Variants in PCDH15 observed in about 807,000 individuals in gnomAD.
The protein encoded by PCDH15 is protocadherin-15.
In PCDH15, 129 loss-of-function variants were observed where a neutral mutation model predicts 178.5. The observed-to-expected ratio is 0.72, with a 90% CI of 0.63 to 0.84. The LOEUF is 0.84. Among genes scored for constraint, PCDH15 ranks in the 40% least tolerant of loss-of-function variants. The pLI, the probability that PCDH15 is intolerant of heterozygous loss-of-function variation, is 0.00. For missense variants in PCDH15, 2,230 were observed against 2,099.9 expected (o/e 1.06, Z -1.21); for synonymous variants, 800 against 732.0 (o/e 1.09, Z -1.50).
chr10:55,446,561 C>G (rs1211228538), intron 2 of PCDH15, among the ~76,000 whole-genome samples: 2 of 152,000 alleles, frequency 1.3e-5, no homozygotes, highest in Non-Finnish European at 2.9e-5. Flanking sequence ...AGAGTTCTAG[C>G]ATGTGGTGGA....
intron 2 of PCDH15, among the ~76,000 whole-genome samples, chr10:55,034,339 T>G (rs1377434690): frequency 6.6e-6 from 1 of 152,206 alleles, no homozygotes; most frequent in African/African-American, 2.4e-5. Flanking sequence ...TTGAATGTTA[T>G]TTCAGGAAAT....
In PCDH15 at chr10:55,204,319, C is replaced by A. The variant is rs537306919; in HGVS notation, c.-155-37668G>T. Among the ~76,000 whole-genome samples, 4 of 150,222 alleles carry A rather than the reference C, an allele frequency of 2.7e-5. No individual in the cohort carries two copies. The South Asian group carries it at 6.3e-4, about 24-fold the overall frequency. On this transcript the variant is annotated intron_variant, in intron 1 of 5. Transcript: ENST00000458638. ...GTATATATACACATATATACATATA[C>A]AAATATACACATTTGTTTACATATA...
intron 4 of PCDH15, among the ~76,000 whole-genome samples, chr10:54,373,869 A>G (rs1948039355): frequency 6.6e-6 from 1 of 152,072 alleles, no homozygotes; most frequent in African/African-American, 2.4e-5. Flanking sequence ...GCACTGGATA[A>G]CAGTGATTTC....
rs147907969 is a variant in PCDH15 at position 55,133,726 on chromosome 10, T to A, written c.-80+32850A>T. On this transcript the variant is annotated intron_variant, in intron 2 of 5. Transcript: ENST00000458638. ...CTGATGCCCTATCTATTTTGGTTTT[T>A]GGCAACTTCAGTATTGCCATTGTCC... 2.3e-3 allele frequency among the ~76,000 whole-genome samples: 352 copies of A among 152,308 alleles called. 1 individual carries two copies. The highest frequency in any genetic ancestry group is 7.9e-3 in the African/African-American group (328 of 41,574).
At chr10:55,524,731 A>G (rs747322229) in intron 2 of PCDH15, among the ~76,000 whole-genome samples, 4 of 151,408 alleles carry the variant, frequency 2.6e-5, no homozygotes, top group Non-Finnish European at 4.4e-5. Context: ...GTCATTGTCC[A>G]TAGCTTATTT....
chr10:54,829,809 C>T lies in PCDH15; in HGVS notation c.-29+67641G>A, dbSNP rs1281457235. ...TAACCCCTGCTTTTATTCTCAAAAG[C>T]ATGAAATGTGATTCTAAATGATATG... On this transcript the variant is annotated intron_variant, in intron 3 of 5. Transcript: ENST00000458638. Among the ~76,000 whole-genome samples, 3 of 152,112 alleles carry T rather than the reference C, an allele frequency of 2.0e-5. No homozygotes were observed. The East Asian group carries it at 5.8e-4, about 29-fold the overall frequency.
chr10:55,605,053 A>G (rs1379748081), intron 2 of PCDH15, among the ~76,000 whole-genome samples: 1 of 151,968 alleles, frequency 6.6e-6, no homozygotes, highest in Non-Finnish European at 1.5e-5. Flanking sequence ...ATAAAAAATG[A>G]TAAAGGGGAT....
At chr10:54,093,833 C>G (rs1359102943) in intron 15 of PCDH15, among the ~76,000 whole-genome samples, 1 of 152,014 alleles carries the variant, frequency 6.6e-6, no homozygotes, top group East Asian at 1.9e-4. Flanking sequence ...TCTTTTTTAT[C>G]TAGAGATAGT....
intron 2 of PCDH15, among the ~76,000 whole-genome samples, chr10:55,050,679 GTTTA>G (rs1841139617): frequency 6.6e-6 from 1 of 151,886 alleles, no homozygotes; most frequent in African/African-American, 2.4e-5. Context: ...CTACTTCATG[GTTTA>G]TTTTTCTCCT....
In PCDH15 at chr10:54,920,170, T is replaced by C. The variant is rs992690866; in HGVS notation, c.-79-22670A>G. Among the ~76,000 whole-genome samples the C allele has an allele frequency of 3.8e-4, 58 of 152,106 alleles. 1 individual carries two copies. The highest frequency in any genetic ancestry group is 1.2e-4 in the Non-Finnish European group (8 of 68,020). ...TCATTACTTCAGAAAGACGCGACAA[T>C]GAAAAACAAAAATTTCTCGGCCGGG... On this transcript the variant is annotated intron_variant, in intron 2 of 5. Coordinates refer to the PCDH15 transcript ENST00000458638.
chr10:54,901,793 A>G (rs1954643370), intron 2 of PCDH15, among the ~76,000 whole-genome samples: 1 of 152,160 alleles, frequency 6.6e-6, no homozygotes, highest in Non-Finnish European at 1.5e-5. Flanking sequence ...GTTTGAGCAA[A>G]TAAAAGTGAA....
At chr10:53,928,002 G>T (rs918724794) in intron 25 of PCDH15, among the ~76,000 whole-genome samples, 40 of 152,046 alleles carry the variant, frequency 2.6e-4, no homozygotes, top group African/African-American at 9.2e-4. Context: ...TAAAAAGAGA[G>T]ACTTGTGCAA....
At chr10:53,883,214 A>ATG (rs970901648) in intron 26 of PCDH15, among the ~76,000 whole-genome samples, 1 of 152,040 alleles carries the variant, frequency 6.6e-6, no homozygotes, top group Non-Finnish European at 1.5e-5. Flanking sequence ...ATATATGTAT[A>ATG]TGTGTGTGTG....
At chr10:54,720,482 G>T (rs10763131) in intron 1 of PCDH15, among the ~76,000 whole-genome samples, 1 of 150,578 alleles carries the variant, frequency 6.6e-6, no homozygotes, top group Non-Finnish European at 1.5e-5. Flanking sequence ...AAATCTACAA[G>T]CCAAAAGAGA....
At chr10:54,422,992 C>T (rs1465256598) in intron 3 of PCDH15, among the ~76,000 whole-genome samples, 1 of 152,074 alleles carries the variant, frequency 6.6e-6, no homozygotes, top group Non-Finnish European at 1.5e-5. Context: ...CTTTTGAAGT[C>T]CTGTTTCACT....
chr10:55,336,589 C>T (rs1185880577), intron 2 of PCDH15, among the ~76,000 whole-genome samples: 3 of 152,150 alleles, frequency 2.0e-5, no homozygotes, highest in Non-Finnish European at 2.9e-5. Flanking sequence ...TCTGTCCTAT[C>T]CTAAACGTGG....
At chr10:54,165,412 C>CA (rs2046118007) in intron 13 of PCDH15, among the ~76,000 whole-genome samples, 1 of 151,580 alleles carries the variant, frequency 6.6e-6, no homozygotes. Context: ...TTTTTCTTCC[C>CA]AAAAAAAGGC....
intron 2 of PCDH15, among the ~76,000 whole-genome samples, chr10:54,970,720 C>A (rs913753467): frequency 3.3e-5 from 5 of 152,114 alleles, no homozygotes; most frequent in African/African-American, 1.2e-4. Context: ...GGAATCATCA[C>A]TTTCTACACA....
chr10:55,355,622 G>A (rs940356902), intron 2 of PCDH15, among the ~76,000 whole-genome samples: 11 of 151,750 alleles, frequency 7.2e-5, no homozygotes, highest in Non-Finnish European at 1.0e-4. Flanking sequence ...CGAGTGTTTC[G>A]AGTTCTTAAT....
Sources: gnomAD v4.1 joint callset for allele counts (sites outside exome capture counted in the v4.1 genomes callset) on GRCh38, gnomAD v4.1.1 for gene constraint, MANE v1.5 for transcripts, NCBI Gene and HGNC (gene_info 2026-07-23, HGNC 2026-07-21) for gene names.